The following DLGAP2 variants were observed in gnomAD, a reference collection of about 807,000 sequenced individuals.
DLGAP2 encodes the protein disks large-associated protein 2.
Under a neutral mutation model 100.3 loss-of-function variants are expected in DLGAP2, and 26 were observed. That is an observed-to-expected ratio of 0.26 (90% CI 0.19 to 0.36). The LOEUF (loss-of-function observed/expected upper bound fraction) is 0.36, where lower values mean the gene tolerates loss of function less well. Ranked by LOEUF, DLGAP2 falls within the 10% of genes least tolerant of loss-of-function variation. DLGAP2 has a pLI of 1.00. For missense variants in DLGAP2, 1,858 were observed against 1,453.2 expected (o/e 1.28, Z -4.53); for synonymous variants, 886 against 630.1 (o/e 1.41, Z -6.08).
chr8:903,524 C>G (rs143148386), intron 1 of DLGAP2, among the ~76,000 whole-genome samples: 82 of 152,214 alleles, frequency 5.4e-4, no homozygotes, highest in African/African-American at 1.9e-3. Context: ...CAGCAGCTGC[C>G]AGTGTCAGAT....
chr8:1,276,349 G>C (rs1025013548), intron 3 of DLGAP2, among the ~76,000 whole-genome samples: 2 of 151,972 alleles, frequency 1.3e-5, no homozygotes, highest in Non-Finnish European at 2.9e-5. Flanking sequence ...AATTCACTTG[G>C]AATGTAGATT....
chr8:1,163,270 C>G (rs898644054), intron 2 of DLGAP2, among the ~76,000 whole-genome samples: 2 of 152,226 alleles, frequency 1.3e-5, no homozygotes, highest in African/African-American at 4.8e-5. Flanking sequence ...GTCCCCTGTT[C>G]TGAGATATTA....
chr8:962,506 G>T (rs183503005), intron 2 of DLGAP2, among the ~76,000 whole-genome samples: 2 of 152,156 alleles, frequency 1.3e-5, no homozygotes, highest in African/African-American at 2.4e-5. Context: ...TGGGGTGGGC[G>T]CCTTGAGGGA....
At chr8:798,022 T>A (rs1315412870) in intron 1 of DLGAP2, among the ~76,000 whole-genome samples, 2 of 152,244 alleles carry the variant, frequency 1.3e-5, no homozygotes, top group African/African-American at 4.8e-5. Context: ...AGTGCTGGGA[T>A]TACAGGCGTG....
intron 2 of DLGAP2, among the ~76,000 whole-genome samples, chr8:980,639 A>G (rs1419428926): frequency 6.6e-6 from 1 of 152,214 alleles, no homozygotes; most frequent in Non-Finnish European, 1.5e-5. Context: ...CCAGGTGGGC[A>G]GGTAAGAGGA....
At chr8:1,667,335 T>G (rs1238595288) in intron 8 of DLGAP2, among the ~76,000 whole-genome samples, 3 of 152,166 alleles carry the variant, frequency 2.0e-5, no homozygotes, top group Non-Finnish European at 2.9e-5. Context: ...TGCATTTATT[T>G]TGCTTTGGTG....
intron 2 of DLGAP2, among the ~76,000 whole-genome samples, chr8:1,236,090 T>G (rs1798645880): frequency 2.0e-5 from 2 of 99,382 alleles, no homozygotes; most frequent in Non-Finnish European, 3.8e-5. Context: ...GTGCCATGTC[T>G]AGTTCTCTCA....
intron 6 of DLGAP2, among the ~76,000 whole-genome samples, chr8:1,596,419 C>G (rs868497736): frequency 6.6e-6 from 1 of 152,182 alleles, no homozygotes; most frequent in African/African-American, 2.4e-5. Context: ...AATTGTATTT[C>G]CAGTTCTAGA....
chr8:908,084 A>C (rs189484212), intron 2 of DLGAP2, 118 bp downstream of exon 2: 3 of 394,260 alleles, frequency 7.6e-6, no homozygotes, highest in Non-Finnish European at 8.9e-6. Flanking sequence ...GGTTGTTTTT[A>C]GTGCAAGATT....
intron 3 of DLGAP2, among the ~76,000 whole-genome samples, chr8:1,346,572 G>T (rs1186080923): frequency 6.6e-6 from 1 of 151,390 alleles, no homozygotes; most frequent in Non-Finnish European, 1.5e-5. Context: ...TGGGTGTTGA[G>T]TTCCCATACA....
intron 2 of DLGAP2, among the ~76,000 whole-genome samples, chr8:1,148,836 G>A (rs534492700): frequency 9.9e-5 from 15 of 151,832 alleles, no homozygotes; most frequent in Non-Finnish European, 1.6e-4. Context: ...CTTTTTTTAG[G>A]TTCCTGCATA....
At chr8:1,390,878 A>G (rs983986703) in intron 3 of DLGAP2, among the ~76,000 whole-genome samples, 1 of 152,240 alleles carries the variant, frequency 6.6e-6, no homozygotes, top group Non-Finnish European at 1.5e-5. Context: ...ACAAGGCAGC[A>G]TCACCGTCCT....
chr8:1,277,247 C>G (rs999161325), intron 3 of DLGAP2, among the ~76,000 whole-genome samples: 1 of 152,182 alleles, frequency 6.6e-6, no homozygotes, highest in African/African-American at 2.4e-5. Context: ...GCTTCTTCCC[C>G]ATTCTGAAGT....
chr8:1,560,625 C>T (rs936675506), intron 5 of DLGAP2, among the ~76,000 whole-genome samples: 2 of 152,182 alleles, frequency 1.3e-5, no homozygotes, highest in Admixed American at 6.5e-5. Context: ...CCAGAAAGAC[C>T]GGGCGCTCCA....
chr8:1,323,062 G>A (rs1429484681), intron 3 of DLGAP2, among the ~76,000 whole-genome samples: 3 of 148,306 alleles, frequency 2.0e-5, no homozygotes, highest in Admixed American at 1.3e-4. Flanking sequence ...ACAGAGTCTC[G>A]CTCTGTTACC....
intron 3 of DLGAP2, among the ~76,000 whole-genome samples, chr8:1,331,859 C>G (rs1801165095): frequency 6.6e-6 from 1 of 152,318 alleles, no homozygotes; most frequent in Admixed American, 6.5e-5. Context: ...TGGATCCCTC[C>G]TCTCAGGCCT....
At chr8:999,826 C>A (rs563529611) in intron 2 of DLGAP2, among the ~76,000 whole-genome samples, 21 of 152,306 alleles carry the variant, frequency 1.4e-4, no homozygotes, top group African/African-American at 3.4e-4. Flanking sequence ...TGTGCAATTT[C>A]TTTTTTCATC....
chr8:1,695,314 G>T (rs1157961297), intron 13 of DLGAP2, among the ~76,000 whole-genome samples: 2 of 137,738 alleles, frequency 1.5e-5, no homozygotes, highest in Non-Finnish European at 3.0e-5. Context: ...CGGCCCTACA[G>T]AAAGGGGGCA....
intron 4 of DLGAP2, among the ~76,000 whole-genome samples, chr8:1,527,772 C>T (rs1044807527): frequency 4.6e-5 from 7 of 152,162 alleles, no homozygotes; most frequent in Admixed American, 6.5e-5. Flanking sequence ...TGCCACCCCC[C>T]TCAGGGGGAC....
Sources: gnomAD v4.1 joint callset for allele counts (sites outside exome capture counted in the v4.1 genomes callset) on GRCh38, gnomAD v4.1.1 for gene constraint, MANE v1.5 for transcripts, NCBI Gene and HGNC (gene_info 2026-07-23, HGNC 2026-07-21) for gene names.